The following RBFOX1 variants were observed in gnomAD, a reference collection of about 807,000 sequenced individuals.
The protein encoded by RBFOX1 is RNA binding fox-1 homolog 1, also known as RNA binding protein fox-1 homolog 1.
RBFOX1 carries 8 observed loss-of-function variants against 57.7 expected under a neutral mutation model. That is an observed-to-expected ratio of 0.14 (90% CI 0.08 to 0.25). The LOEUF is 0.25. Among genes scored for constraint, RBFOX1 ranks in the 10% least tolerant of loss-of-function variants. The probability of loss-of-function intolerance (pLI) is 1.00; values close to 1 mark genes in which losing one functional copy is unlikely to be tolerated. For missense variants in RBFOX1, 611 were observed against 548.5 expected (o/e 1.11, Z -1.14); for synonymous variants, 326 against 222.4 (o/e 1.47, Z -4.15).
intron 2 of RBFOX1, among the ~76,000 whole-genome samples, chr16:5,560,977 A>G (rs967743515): frequency 6.6e-6 from 1 of 152,208 alleles, no homozygotes; most frequent in Non-Finnish European, 1.5e-5. Flanking sequence ...CCCTTGTGGC[A>G]GGAGAAATGG....
At chr16:6,381,070 G>T (rs2091761750) in intron 2 of RBFOX1, among the ~76,000 whole-genome samples, 1 of 152,132 alleles carries the variant, frequency 6.6e-6, no homozygotes, top group Admixed American at 6.5e-5. Flanking sequence ...TGTCAGTTTG[G>T]GGCAAGGGGA....
At chr16:6,561,076 G>A (rs2097173557) in intron 2 of RBFOX1, among the ~76,000 whole-genome samples, 1 of 152,170 alleles carries the variant, frequency 6.6e-6, no homozygotes, top group South Asian at 2.1e-4. Context: ...ATGTGCAGCT[G>A]TTTTTCATTA....
intron 1 of RBFOX1, among the ~76,000 whole-genome samples, chr16:6,078,339 G>A (rs1453942727): frequency 2.0e-5 from 3 of 152,110 alleles, no homozygotes; most frequent in Admixed American, 6.5e-5. Context: ...CATGTGGCCC[G>A]GGACGGCTTT....
intron 1 of RBFOX1, among the ~76,000 whole-genome samples, chr16:5,316,757 A>T (rs1001966735): frequency 2.0e-5 from 3 of 152,168 alleles, no homozygotes; most frequent in Admixed American, 6.5e-5. Flanking sequence ...TCTTCTGCTG[A>T]AAGGGAAACC....
At chr16:6,888,035 G>C (rs780689580) in intron 3 of RBFOX1, among the ~76,000 whole-genome samples, 1 of 152,012 alleles carries the variant, frequency 6.6e-6, no homozygotes, top group African/African-American at 2.4e-5. Context: ...TGAGGTGTTT[G>C]CTTGTGTGTC....
intron 3 of RBFOX1, among the ~76,000 whole-genome samples, chr16:5,759,958 A>G (rs938618107): frequency 6.6e-6 from 1 of 151,790 alleles, no homozygotes; most frequent in African/African-American, 2.4e-5. Flanking sequence ...TGCACTGAAA[A>G]TGTAGGTTTC....
At chr16:7,192,839 A>T (rs550288004) in intron 4 of RBFOX1, among the ~76,000 whole-genome samples, 6 of 152,342 alleles carry the variant, frequency 3.9e-5, no homozygotes, top group African/African-American at 1.4e-4. Flanking sequence ...TACAAAACAC[A>T]CTAATACGGA....
chr16:7,015,767 T>C (rs149557738), intron 3 of RBFOX1, among the ~76,000 whole-genome samples: 91 of 152,306 alleles, frequency 6.0e-4, no homozygotes, highest in African/African-American at 2.1e-3. Flanking sequence ...TTCTTTTTTT[T>C]TCTTAAAGAT....
intron 2 of RBFOX1, among the ~76,000 whole-genome samples, chr16:6,577,861 G>A (rs2097465012): frequency 6.6e-6 from 1 of 152,168 alleles, no homozygotes; most frequent in African/African-American, 2.4e-5. Flanking sequence ...GGACTATATG[G>A]AAGGATATTT....
intron 4 of RBFOX1, among the ~76,000 whole-genome samples, chr16:7,066,083 T>A (rs58783768): frequency 0.077 from 11,692 of 152,198 alleles, 1,478 homozygotes; most frequent in African/African-American, 0.26. Flanking sequence ...CTTCAGAGTG[T>A]TTTGATAGTA....
rs865939694 is a variant in RBFOX1 at position 5,957,565 on chromosome 16, C to G, written c.351+90230C>G. On this transcript the variant is annotated intron_variant, in intron 4 of 19. Transcript: ENST00000641259. ...TATATCAGGAGGTCAATTTCTGGAGCAGCTGATCCTTCATATGTGGAAGCA... is the reference window on the plus strand; with the variant it reads ...TATATCAGGAGGTCAATTTCTGGAGGAGCTGATCCTTCATATGTGGAAGCA... Among the ~76,000 whole-genome samples, 81 of 152,194 alleles carry G rather than the reference C, an allele frequency of 5.3e-4. 1 individual carries two copies. The highest frequency in any genetic ancestry group is 1.5e-4 in the Non-Finnish European group (10 of 68,034).
At chr16:6,803,019 A>C (rs562621502) in intron 3 of RBFOX1, among the ~76,000 whole-genome samples, 3 of 152,178 alleles carry the variant, frequency 2.0e-5, no homozygotes, top group Non-Finnish European at 4.4e-5. Context: ...CTGCCTTGCT[A>C]CTAGGAAAAG....
intron 2 of RBFOX1, among the ~76,000 whole-genome samples, chr16:6,327,015 A>G (rs930675211): frequency 1.3e-5 from 2 of 152,152 alleles, no homozygotes; most frequent in Non-Finnish European, 2.9e-5. Flanking sequence ...TTTTAAACTT[A>G]TCACACAGAC....
chr16:5,565,651 A>T (rs1288247381), intron 2 of RBFOX1, among the ~76,000 whole-genome samples: 2 of 151,470 alleles, frequency 1.3e-5, no homozygotes, highest in African/African-American at 4.8e-5. Context: ...TAAATAAATA[A>T]ATAAATAAAT....
chr16:6,040,535 G>A (rs1000865664), intron 1 of RBFOX1, among the ~76,000 whole-genome samples: 2 of 151,276 alleles, frequency 1.3e-5, no homozygotes, highest in African/African-American at 4.9e-5. Context: ...CAAGTGTGAG[G>A]GTGTGAATTA....
chr16:7,246,461 C>T (rs1238002554), intron 4 of RBFOX1, among the ~76,000 whole-genome samples: 1 of 152,112 alleles, frequency 6.6e-6, no homozygotes, highest in African/African-American at 2.4e-5. Flanking sequence ...TTAAATCAAA[C>T]TCGTTGTTTT....
At chr16:5,860,241 C>G (rs567465992) in intron 3 of RBFOX1, among the ~76,000 whole-genome samples, 46 of 152,228 alleles carry the variant, frequency 3.0e-4, no homozygotes, top group African/African-American at 1.0e-3. Flanking sequence ...TGCCACCATG[C>G]CAAGCTAATT....
At chr16:7,048,887 C>G (rs773659372) in intron 3 of RBFOX1, among the ~76,000 whole-genome samples, 4 of 152,124 alleles carry the variant, frequency 2.6e-5, no homozygotes, top group Non-Finnish European at 5.9e-5. Flanking sequence ...AGCAATCAAT[C>G]TTGTTGCATT....
At chr16:7,487,959 T>A (rs961992531) in intron 4 of RBFOX1, among the ~76,000 whole-genome samples, 3 of 152,162 alleles carry the variant, frequency 2.0e-5, no homozygotes, top group Non-Finnish European at 4.4e-5. Flanking sequence ...ATGGATTTTT[T>A]TTTCCAGGGC....
Sources: gnomAD v4.1 joint callset for allele counts (sites outside exome capture counted in the v4.1 genomes callset) on GRCh38, gnomAD v4.1.1 for gene constraint, MANE v1.5 for transcripts, NCBI Gene and HGNC (gene_info 2026-07-23, HGNC 2026-07-21) for gene names.